VIPR2: variants seen among roughly 807,000 people sequenced by gnomAD.
VIPR2 encodes the protein vasoactive intestinal polypeptide receptor 2.
A neutral mutation model predicts 58.0 loss-of-function variants in VIPR2; 48 were observed. The ratio of observed to expected loss-of-function variants is 0.83; its 90% CI spans 0.66 to 1.05. The LOEUF is 1.05. VIPR2 is among the 50% of genes least tolerant of loss of function. The pLI is 0.00. For missense variants in VIPR2, 534 were observed against 558.0 expected (o/e 0.96, Z 0.43); for synonymous variants, 243 against 235.2 (o/e 1.03, Z -0.30).
At chr7:159,100,547 C>CA (rs1429546474) in intron 4 of VIPR2, among the ~76,000 whole-genome samples, 14 of 152,232 alleles carry the variant, frequency 9.2e-5, no homozygotes, top group Non-Finnish European at 1.6e-4. Context: ...CTGCCAATGC[C>CA]AGCCAGCACC....
rs776330077 is a variant in VIPR2 at position 159,095,355 on chromosome 7, G to A, written c.357+8402C>T. Among the ~76,000 whole-genome samples the A allele has an allele frequency of 2.6e-4, 40 of 152,254 alleles. No individual in the cohort carries two copies. Among genetic ancestry groups the A allele is most frequent in the Non-Finnish European group, 4.3e-4 (29 of 68,016 alleles). On this transcript the variant is annotated intron_variant, in intron 4 of 12. Transcript: ENST00000262178. The surrounding 1 kb of genome is among the most constrained non-coding windows in gnomAD (Gnocchi z 5.2). Reference sequence around the variant, plus strand: ...GCTGCACACACCCAGTGTGAGGGCCGGGCAAATGCTCACAGCCGGTGACAG... The same window carrying A: ...GCTGCACACACCCAGTGTGAGGGCCAGGCAAATGCTCACAGCCGGTGACAG...
intron 2 of VIPR2, among the ~76,000 whole-genome samples, chr7:159,138,387 A>T (rs1797315390): frequency 6.6e-6 from 1 of 152,232 alleles, no homozygotes; most frequent in African/African-American, 2.4e-5. Flanking sequence ...TGGTCATAGG[A>T]GATGGTGATT....
intron 2 of VIPR2, among the ~76,000 whole-genome samples, chr7:159,130,683 C>T (rs1020425947): frequency 2.6e-5 from 4 of 152,244 alleles, no homozygotes; most frequent in African/African-American, 9.6e-5. Flanking sequence ...TGAGTAACAA[C>T]TCGGTCTCCC....
intron 2 of VIPR2, among the ~76,000 whole-genome samples, chr7:159,132,771 GACAGAATGATTGGCATACAGACTGATTTC>G: frequency 7.3e-6 from 1 of 137,840 alleles, no homozygotes; most frequent in African/African-American, 2.6e-5. Flanking sequence ...ACTGATTTCA[GACAGAATGATTGGCATACAGACTGATTTC>G]AGACAGAATG....
chr7:159,086,169 C>T (rs1030217023), intron 4 of VIPR2, among the ~76,000 whole-genome samples: 7 of 152,166 alleles, frequency 4.6e-5, no homozygotes, highest in Admixed American at 1.3e-4. Context: ...TCTAAAAAGT[C>T]GATTAACTTG....
At chr7:159,141,601 G>A (rs188715081) in intron 2 of VIPR2, among the ~76,000 whole-genome samples, 75 of 152,328 alleles carry the variant, frequency 4.9e-4, no homozygotes, top group African/African-American at 1.7e-3. Flanking sequence ...TTGATTATAC[G>A]TTGAAATGTT....
At chr7:159,040,385 G>A (rs1585341623) in intron 6 of VIPR2, among the ~76,000 whole-genome samples, 2 of 152,264 alleles carry the variant, frequency 1.3e-5, no homozygotes, top group Admixed American at 1.3e-4. Context: ...ACATGTGCAC[G>A]TGAGGCAGGC....
intron 4 of VIPR2, among the ~76,000 whole-genome samples, chr7:159,077,572 G>C (rs924223313): frequency 6.6e-6 from 1 of 150,678 alleles, no homozygotes; most frequent in African/African-American, 2.4e-5. Flanking sequence ...TTCTAGCCCT[G>C]TTCAATGTCT....
In VIPR2 at chr7:159,109,865, T is replaced by C; in HGVS notation, c.206A>G (p.Glu69Gly). 6.2e-7 allele frequency: 1 copy of C among 1,614,142 alleles called. No individual in the cohort carries two copies. Among genetic ancestry groups the C allele is most frequent in the Non-Finnish European group, 8.5e-7 (1 of 1,180,048 alleles). Residue 69 changes from glutamate to glycine, a missense_variant, in exon 3 of 13, where the codon GAG (glutamate) becomes GGG (glycine). Coordinates refer to ENST00000262178, the MANE Select transcript of VIPR2 (RefSeq NM_003382.5). ...ITCWRPANVG[E>G]TVTVPCPKVF... ...TTTTGGGCAGGGCACCGTGACGGTC[T>C]CTCCCACATTGGCAGGCCGCCAGCA...
In VIPR2 at chr7:159,034,607, G is replaced by C; in HGVS notation, c.853C>G (p.Arg285Gly). The C allele has an allele frequency of 1.2e-6, 2 of 1,613,930 alleles. No homozygotes were observed. The highest frequency in any genetic ancestry group is 2.2e-5 in the South Asian group (2 of 91,060). ...NDHSVPWWVIRIPILISIIVN... is the reference protein window; with the variant it reads ...NDHSVPWWVIGIPILISIIVN... ...ATGATGGAAATTAAAATCGGTATTC[G>C]TATGACCCACCAGGGCACACTGTGG... Residue 285 changes from arginine to glycine, a missense_variant, in exon 9 of 13, where the codon CGA (arginine) becomes GGA (glycine). Arg to Gly is a moderately radical substitution (Grantham distance 125, BLOSUM62 -2). This residue lies in a region of VIPR2 where 306 missense variants were observed against 285.8 expected (regional missense o/e 1.07). Transcript: ENST00000262178.
rs150612663 is a variant in VIPR2, at chr7:159,126,598, C to T, written c.151+15848G>A. 9.1e-3 allele frequency among the ~76,000 whole-genome samples: 1,391 copies of T among 152,248 alleles called. 12 individuals are homozygous for T. The highest frequency in any genetic ancestry group is 0.015 in the Non-Finnish European group (1,021 of 68,016). On this transcript the variant is annotated intron_variant, in intron 2 of 12. Transcript: ENST00000262178. ...TGTGCTCTTCTCAGGAGACAACAGG[C>T]GGAGGTGTGAGACGGCCACATGCTG... is the stretch of plus-strand genomic sequence containing the variant.
intron 5 of VIPR2, among the ~76,000 whole-genome samples, chr7:159,046,217 T>TA (rs1418702498): frequency 6.6e-6 from 1 of 152,204 alleles, no homozygotes; most frequent in Non-Finnish European, 1.5e-5. Flanking sequence ...CTTGTAGGTA[T>TA]ACGCTCCAAA....
chr7:159,060,935 A>G (rs1161614501), intron 4 of VIPR2, among the ~76,000 whole-genome samples: 1 of 152,256 alleles, frequency 6.6e-6, no homozygotes, highest in African/African-American at 2.4e-5. Flanking sequence ...TAGCAAAAAG[A>G]CATGCCCATC....
chr7:159,142,337 C>CT (rs71302077), intron 2 of VIPR2, 109 bp downstream of exon 2: 83,562 of 620,644 alleles, frequency 0.13, 4,302 homozygotes, highest in African/African-American at 0.41. Flanking sequence ...CTTTCTTTTT[C>CT]TTTTTTTTTT....
intron 2 of VIPR2, among the ~76,000 whole-genome samples, chr7:159,120,797 G>A (rs958430518): frequency 1.3e-5 from 2 of 152,184 alleles, no homozygotes; most frequent in African/African-American, 2.4e-5. Context: ...TCACCTCTGT[G>A]AGCAGGTGCC....
At chr7:159,112,366 C>T (rs950168063) in intron 2 of VIPR2, among the ~76,000 whole-genome samples, 3 of 152,228 alleles carry the variant, frequency 2.0e-5, no homozygotes, top group Admixed American at 1.3e-4. Flanking sequence ...AAGGCGCAGC[C>T]GGAAGCGCTG....
chr7:159,031,780 G>A lies in VIPR2; in HGVS notation c.1143+48C>T. Reference sequence around the variant, plus strand: ...GGCACCAGGCTGGGCAGCATCTCAGGAAGCAAGTGAGTACCTGTGCTTGGT... The same window carrying A: ...GGCACCAGGCTGGGCAGCATCTCAGAAAGCAAGTGAGTACCTGTGCTTGGT... On this transcript the variant is annotated intron_variant, in intron 12 of 12. Transcript: ENST00000262178. The surrounding 1 kb of genome is among the most constrained non-coding windows in gnomAD (Gnocchi z 4.0). 1.2e-6 allele frequency: 2 copies of A among 1,613,412 alleles called. No homozygotes were observed. Among genetic ancestry groups the A allele is most frequent in the East Asian group, 2.2e-5 (1 of 44,858 alleles).
intron 4 of VIPR2, among the ~76,000 whole-genome samples, chr7:159,083,045 T>G (rs1192507591): frequency 6.6e-6 from 1 of 152,218 alleles, no homozygotes; most frequent in Non-Finnish European, 1.5e-5. Flanking sequence ...AGCTTCAGTG[T>G]TCTAATACTG....
chr7:159,116,717 CG>C (rs55828847), intron 2 of VIPR2, among the ~76,000 whole-genome samples: 19,885 of 152,088 alleles, frequency 0.13, 1,483 homozygotes, highest in Non-Finnish European at 0.16. Flanking sequence ...AAGTTCTTAC[CG>C]GTATGCTGGG....
Sources: allele counts gnomAD v4.1 joint callset (sites outside exome capture counted in the v4.1 genomes callset), GRCh38; gene constraint gnomAD v4.1.1; regional missense constraint gnomAD v4.1.1; non-coding constraint Gnocchi (gnomAD v3.1); transcripts MANE v1.5; gene names NCBI Gene and HGNC (gene_info 2026-07-23, HGNC 2026-07-21).